The following ZNF549 variants were observed in gnomAD, a reference collection of about 807,000 sequenced individuals.
The protein encoded by ZNF549 is zinc finger protein 549.
ZNF549 carries 11 observed loss-of-function variants against 11.1 expected under a neutral mutation model. The observed-to-expected ratio is 0.99, with a 90% CI of 0.62 to 1.64. The LOEUF is 1.64. Ranked by LOEUF, ZNF549 falls within the 40% of genes most tolerant of loss-of-function variation. ZNF549 has a pLI of 0.00. For synonymous variants in ZNF549, 266 were observed against 269.1 expected (o/e 0.99, Z 0.11); for missense variants, 748 against 765.1 (o/e 0.98, Z 0.26).
intron 1 of ZNF549, among the ~76,000 whole-genome samples, chr19:57,529,115 A>G (rs1330501397): frequency 6.6e-6 from 1 of 152,242 alleles, no homozygotes; most frequent in East Asian, 1.9e-4. Context: ...TGCACAAATA[A>G]TTATCACTGT....
intron 1 of ZNF549, among the ~76,000 whole-genome samples, chr19:57,529,051 C>A (rs775614188): frequency 1.6e-4 from 24 of 152,138 alleles, no homozygotes; most frequent in Non-Finnish European, 2.8e-4. Context: ...TTTTCATTTT[C>A]TTTCTTTCTG....
intron 2 of ZNF549, 47 bp from the exon 3 acceptor site, chr19:57,535,088 ACTGGGGTTC>A (rs1568589701): frequency 5.6e-6 from 9 of 1,597,026 alleles, no homozygotes; most frequent in Middle Eastern, 1.8e-4. Context: ...AGCGAGATTT[ACTGGGGTTC>A]CTGGGGATTG....
intron 3 of ZNF549, among the ~76,000 whole-genome samples, chr19:57,536,095 A>G (rs1449168760): frequency 6.6e-6 from 1 of 151,602 alleles, no homozygotes; most frequent in Admixed American, 6.6e-5. Flanking sequence ...ATTGTCCCCT[A>G]CCTCTGTTCT....
intron 3 of ZNF549, among the ~76,000 whole-genome samples, 198 bp from the exon 4 acceptor site, chr19:57,537,006 G>A (rs2089927503): frequency 6.6e-6 from 1 of 152,168 alleles, no homozygotes; most frequent in South Asian, 2.1e-4. Context: ...TGAGATGGGA[G>A]TGTCACTGGA....
chr19:57,540,422 GT>G lies in ZNF549; in HGVS notation c.*1499del, dbSNP rs987506424. ...GTATGGTTTATTGCCCAGTTAATGG[GT>G]TTTGATAGTCATGTTATCTCAGTAA... On this transcript the variant is annotated 3_prime_UTR_variant, in exon 4 of 4. Coordinates refer to ENST00000376233, the MANE Select transcript of ZNF549 (RefSeq NM_001199295.2). 2.0e-5 allele frequency: 3 copies of G among 152,214 alleles called. No homozygotes were observed. The highest frequency in any genetic ancestry group is 7.2e-5 in the African/African-American group (3 of 41,462). 9.4% of individuals were successfully genotyped at this position (152,214 alleles called of 1,614,324 possible).
intron 3 of ZNF549, among the ~76,000 whole-genome samples, chr19:57,535,797 T>G (rs966936940): frequency 6.6e-6 from 1 of 152,188 alleles, no homozygotes; most frequent in African/African-American, 2.4e-5. Flanking sequence ...TTAGGATTTC[T>G]TCTACCTTCC....
Position 57,528,456 on chromosome 19 carries a change from G to A in ZNF549, c.33+850G>A, listed in dbSNP as rs546954574. The stretch of plus-strand genomic sequence containing the variant: ...GAGACAGGCTGGGGCGTAGACTCAA[G>A]CCAAGCCTTAAATTTAGACGGGAAA... On this transcript the variant is annotated intron_variant, in intron 1 of 3. Transcript: ENST00000376233. 4.6e-5 allele frequency among the ~76,000 whole-genome samples: 7 copies of A among 152,296 alleles called. No individual in the cohort carries two copies. The South Asian group carries it at 1.0e-3, about 23-fold the overall frequency.
In ZNF549 at chr19:57,537,614, C is replaced by G. The variant is rs1475934903; in HGVS notation, c.610C>G (p.His204Asp). 25 of 1,614,058 alleles carry G rather than the reference C, an allele frequency of 1.5e-5. No homozygotes were observed. The highest frequency in any genetic ancestry group is 2.0e-5 in the Non-Finnish European group (24 of 1,180,042). Residue 204 changes from histidine to aspartate, a missense_variant, in exon 4 of 4, where the codon CAC (histidine) becomes GAC (aspartate). Coordinates refer to ENST00000376233, the MANE Select transcript of ZNF549 (RefSeq NM_001199295.2). Reference protein sequence around the residue: ...ILGLLQHQTTHSRQEYAHRSR... With the variant: ...ILGLLQHQTTDSRQEYAHRSR... The stretch of plus-strand genomic sequence containing the variant: ...GGGCCTTCTCCAACACCAGACCACC[C>G]ACAGCAGACAAGAGTATGCACATAG...
intron 1 of ZNF549, among the ~76,000 whole-genome samples, chr19:57,528,954 G>T (rs1221771781): frequency 6.6e-6 from 1 of 152,182 alleles, no homozygotes; most frequent in African/African-American, 2.4e-5. Flanking sequence ...AGTGTCTTGT[G>T]ATAAGTCATG....
chr19:57,527,395 T>G lies in ZNF549; in HGVS notation c.-179T>G. The G allele has an allele frequency of 1.2e-6, 1 of 862,904 alleles. No homozygotes were observed. The allele number at this position is 862,904 out of a possible 1,614,324, so 53.5% of individuals were successfully genotyped here. A position where few individuals can be genotyped will look rare whatever the true frequency, so the allele number is the denominator to read the frequency against. On this transcript the variant is annotated 5_prime_UTR_variant, in exon 1 of 4. Transcript: ENST00000376233. Reference sequence around the variant, plus strand: ...CGAGCGCGTCCGCGGGCTGGGCGTTTCCGGCTCGCTGGGTCCGGGCCAGGT... The same window carrying G: ...CGAGCGCGTCCGCGGGCTGGGCGTTGCCGGCTCGCTGGGTCCGGGCCAGGT...
Position 57,538,349 on chromosome 19 carries a change from A to T in ZNF549, c.1345A>T (p.Ile449Leu). 6.2e-7 allele frequency: 1 copy of T among 1,613,586 alleles called. No homozygotes were observed. Among genetic ancestry groups the T allele is most frequent in the Non-Finnish European group, 8.5e-7 (1 of 1,179,926 alleles). Residue 449 changes from isoleucine (I) to leucine (L), a missense_variant, in exon 4 of 4, where the codon ATA becomes TTA. Physicochemically the swap from Ile to Leu is conservative, Grantham distance 5. Transcript: ENST00000376233. ...HTGEKPYVCI[I>L]CGKSFIRSSD... The stretch of plus-strand genomic sequence containing the variant: ...TGGAGAAAAGCCTTATGTGTGCATC[A>T]TATGTGGGAAATCATTTATCCGCTC...
At chr19:57,529,221 T>C (rs1474804398) in intron 1 of ZNF549, among the ~76,000 whole-genome samples, 1 of 152,226 alleles carries the variant, frequency 6.6e-6, no homozygotes, top group Non-Finnish European at 1.5e-5. Context: ...GAACAATGAA[T>C]GTCTGAACAG....
chr19:57,538,832 G>C lies in ZNF549; in HGVS notation c.1828G>C (p.Glu610Gln), dbSNP rs577308500. 6 of 1,614,012 alleles carry C rather than the reference G, an allele frequency of 3.7e-6. No individual in the cohort carries two copies. In the South Asian group the frequency reaches 5.5e-5, roughly 15 times the overall value. ...LVEHQRIHTGEKPYECGKCGK... is the reference protein window; with the variant it reads ...LVEHQRIHTGQKPYECGKCGK... ...TGAGCATCAGCGAATCCACACCGGAGAAAAGCCGTATGAATGTGGTAAATG... is the reference window on the plus strand; with the variant it reads ...TGAGCATCAGCGAATCCACACCGGACAAAAGCCGTATGAATGTGGTAAATG... Residue 610 changes from glutamate to glutamine, a missense_variant, in exon 4 of 4, where the codon GAA (glutamate) becomes CAA (glutamine). Glu to Gln is a conservative substitution (Grantham distance 29). Transcript: ENST00000376233.
At chr19:57,531,951 C>T (rs548902562) in intron 2 of ZNF549, among the ~76,000 whole-genome samples, 42 of 152,182 alleles carry the variant, frequency 2.8e-4, no homozygotes, top group Admixed American at 5.9e-4. Context: ...AGATCGGGGA[C>T]GACTGTATAT....
In ZNF549 at chr19:57,538,249, G is replaced by T; in HGVS notation, c.1245G>T (p.Arg415Ser). Residue 415 changes from arginine (R) to serine (S), a missense_variant, in exon 4 of 4, where the codon AGG becomes AGT. Arg to Ser is a moderately radical substitution (Grantham distance 110). Coordinates refer to ENST00000376233, the MANE Select transcript of ZNF549 (RefSeq NM_001199295.2). The part of the protein sequence containing the change: ...LDHHRIHTGE[R>S]PYECKECGKA... ...ACCATAGAATCCACACGGGAGAAAG[G>T]CCTTATGAGTGCAAAGAATGTGGGA... The T allele has an allele frequency of 6.2e-7, 1 of 1,613,886 alleles. No individual in the cohort carries two copies. Among genetic ancestry groups the T allele is most frequent in the South Asian group, 1.1e-5 (1 of 91,068 alleles).
rs1437363412 is a variant in ZNF549, at chr19:57,527,569, G to A, written c.-5G>A. The A allele has an allele frequency of 1.2e-6, 2 of 1,613,576 alleles. No individual in the cohort carries two copies. The highest frequency in any genetic ancestry group is 1.1e-5 in the South Asian group (1 of 91,066). On this transcript the variant is annotated 5_prime_UTR_variant, in exon 1 of 4. Coordinates refer to ENST00000376233, the MANE Select transcript of ZNF549 (RefSeq NM_001199295.2). ...CTTTCCAGGCCCCGCCCCGCCTAAA[G>A]TCCCATGGCCGAGGCAGCGCTAGTG...
At chr19:57,527,732 G>A (rs1308563098) in intron 1 of ZNF549, 126 bp downstream of exon 1, 5 of 1,191,856 alleles carry the variant, frequency 4.2e-6, no homozygotes, top group Non-Finnish European at 6.0e-6. Flanking sequence ...GGTCCTCAGA[G>A]CTGACGGGCG....
intron 1 of ZNF549, among the ~76,000 whole-genome samples, chr19:57,529,576 T>C (rs2089894573): frequency 6.6e-6 from 1 of 152,218 alleles, no homozygotes; most frequent in African/African-American, 2.4e-5. Flanking sequence ...GAGTGAGATT[T>C]CCTCACACTA....
chr19:57,528,376 T>A (rs2089888813), intron 1 of ZNF549, among the ~76,000 whole-genome samples: 3 of 152,206 alleles, frequency 2.0e-5, no homozygotes. Flanking sequence ...CATGGGCAGT[T>A]GGAATCATAA....
Sources: gnomAD v4.1 joint callset for allele counts (sites outside exome capture counted in the v4.1 genomes callset) on GRCh38, gnomAD v4.1.1 for gene constraint, MANE v1.5 for transcripts, NCBI Gene and HGNC (gene_info 2026-07-23, HGNC 2026-07-21) for gene names.